FHIT: variants seen among roughly 807,000 people sequenced by gnomAD.
FHIT encodes the protein bis(5'-adenosyl)-triphosphatase.
Under a neutral mutation model 17.9 loss-of-function variants are expected in FHIT, and 19 were observed. The ratio of observed to expected loss-of-function variants is 1.06; its 90% CI spans 0.74 to 1.56. The LOEUF (loss-of-function observed/expected upper bound fraction) is 1.56, where lower values mean the gene tolerates loss of function less well. Ranked by LOEUF, FHIT falls within the 40% of genes most tolerant of loss-of-function variation. FHIT has a pLI of 0.00. For synonymous variants in FHIT, 81 were observed against 69.7 expected (o/e 1.16, Z -0.81); for missense variants, 248 against 189.2 (o/e 1.31, Z -1.82).
At chr3:60,395,290 A>T (rs1174639347) in intron 5 of FHIT, among the ~76,000 whole-genome samples, 1 of 152,126 alleles carries the variant, frequency 6.6e-6, no homozygotes, top group Non-Finnish European at 1.5e-5. Flanking sequence ...ATGTTCTAGG[A>T]GCTGTCCTGA....
intron 4 of FHIT, among the ~76,000 whole-genome samples, chr3:60,734,053 G>T (rs1476415584): frequency 1.3e-5 from 2 of 152,158 alleles, no homozygotes; most frequent in Non-Finnish European, 2.9e-5. Flanking sequence ...AAGTATCAAA[G>T]CAACTGTCCC....
intron 2 of FHIT, among the ~76,000 whole-genome samples, chr3:61,187,130 A>T (rs1413650387): frequency 6.6e-6 from 1 of 152,222 alleles, no homozygotes; most frequent in Non-Finnish European, 1.5e-5. Flanking sequence ...TCAGTCAGTC[A>T]TGTAGGTGAG....
intron 3 of FHIT, among the ~76,000 whole-genome samples, chr3:60,871,366 T>A (rs1704409448): frequency 6.6e-6 from 1 of 152,020 alleles, no homozygotes; most frequent in Non-Finnish European, 1.5e-5. Flanking sequence ...CATGATTATC[T>A]CTCCTAATCA....
At chr3:60,590,634 T>A (rs1553663874) in intron 4 of FHIT, among the ~76,000 whole-genome samples, 1 of 152,156 alleles carries the variant, frequency 6.6e-6, no homozygotes, top group Non-Finnish European at 1.5e-5. Context: ...CAAATATTTA[T>A]TTTGCAACTT....
At chr3:60,593,509 C>T (rs1370355941) in intron 4 of FHIT, among the ~76,000 whole-genome samples, 3 of 152,144 alleles carry the variant, frequency 2.0e-5, no homozygotes, top group Non-Finnish European at 4.4e-5. Context: ...CCTGGGTTCT[C>T]TATTTTAGCT....
rs144328398 is a variant in FHIT at position 60,932,831 on chromosome 3, T to C, written c.-111+109216A>G. ...AAGGAGGGTAGCCCCTAGCAGTTGG[T>C]ACCTCCTCCTCTCTAGCTTCCCTTT... On this transcript the variant is annotated intron_variant, in intron 3 of 9. Coordinates refer to ENST00000492590, the MANE Select transcript of FHIT (RefSeq NM_002012.4). 4.5e-4 allele frequency among the ~76,000 whole-genome samples: 69 copies of C among 152,262 alleles called. 1 individual carries two copies. The East Asian group carries it at 9.9e-3, about 22-fold the overall frequency.
chr3:60,381,332 G>A (rs1012178047), intron 5 of FHIT, among the ~76,000 whole-genome samples: 2 of 152,024 alleles, frequency 1.3e-5, no homozygotes, highest in Non-Finnish European at 2.9e-5. Flanking sequence ...ACAAAAGTTA[G>A]CTGGGCATGG....
chr3:60,061,827 A>G (rs1445894210), intron 5 of FHIT, among the ~76,000 whole-genome samples: 2 of 152,212 alleles, frequency 1.3e-5, no homozygotes, highest in African/African-American at 4.8e-5. Context: ...GGAATCATAC[A>G]GAAGGAAGGG....
chr3:59,910,542 T>C (rs1227108765), intron 8 of FHIT, among the ~76,000 whole-genome samples: 2 of 152,142 alleles, frequency 1.3e-5, no homozygotes, highest in African/African-American at 4.8e-5. Context: ...GGTCTCAGGT[T>C]TTGTCTCATC....
chr3:60,935,931 A>C (rs1359098766), intron 3 of FHIT, among the ~76,000 whole-genome samples: 1 of 152,190 alleles, frequency 6.6e-6, no homozygotes, highest in Non-Finnish European at 1.5e-5. Flanking sequence ...TCATCACTGA[A>C]TCATCAATGC....
At chr3:60,887,530 C>T (rs777345629) in intron 3 of FHIT, among the ~76,000 whole-genome samples, 13 of 152,004 alleles carry the variant, frequency 8.6e-5, no homozygotes, top group South Asian at 4.2e-4. Flanking sequence ...CCTGTAATCC[C>T]GGCTACTCAA....
intron 5 of FHIT, among the ~76,000 whole-genome samples, chr3:60,086,085 A>G (rs1703480765): frequency 6.6e-6 from 1 of 152,216 alleles, no homozygotes; most frequent in African/African-American, 2.4e-5. Context: ...ATCTCATGGC[A>G]GAAGGCAAAT....
intron 7 of FHIT, among the ~76,000 whole-genome samples, chr3:59,981,168 C>T (rs550836737): frequency 7.9e-5 from 12 of 152,170 alleles, no homozygotes; most frequent in African/African-American, 2.9e-4. Context: ...ATTACAAAAA[C>T]CTTCTTAGAG....
intron 5 of FHIT, among the ~76,000 whole-genome samples, chr3:60,226,047 C>A (rs1455271740): frequency 7.9e-5 from 12 of 152,106 alleles, no homozygotes. Flanking sequence ...AGCAATGGGA[C>A]AGCCCCACAG....
intron 1 of FHIT, among the ~76,000 whole-genome samples, chr3:61,207,578 T>C (rs908181602): frequency 2.6e-5 from 3 of 114,076 alleles, no homozygotes; most frequent in African/African-American, 9.7e-5. Context: ...ATTTATCAAA[T>C]TCTTCTAGAT....
intron 2 of FHIT, among the ~76,000 whole-genome samples, chr3:61,049,260 GCATT>G (rs2033935729): frequency 6.7e-6 from 1 of 150,128 alleles, no homozygotes; most frequent in African/African-American, 2.4e-5. Context: ...AAGTTATTAG[GCATT>G]CATTCATTAA....
At chr3:60,318,537 C>G (rs190849406) in intron 5 of FHIT, among the ~76,000 whole-genome samples, 1 of 152,182 alleles carries the variant, frequency 6.6e-6, no homozygotes, top group African/African-American at 2.4e-5. Flanking sequence ...ACCCAAATCC[C>G]TCTTCCTTTG....
At chr3:61,146,358 G>A (rs2037225368) in intron 2 of FHIT, among the ~76,000 whole-genome samples, 1 of 151,982 alleles carries the variant, frequency 6.6e-6, no homozygotes, top group African/African-American at 2.4e-5. Context: ...CATCTGTCAA[G>A]TGTTGGGATA....
intron 5 of FHIT, among the ~76,000 whole-genome samples, chr3:60,247,893 CTT>C (rs926442241): frequency 3.9e-5 from 6 of 152,132 alleles, no homozygotes; most frequent in African/African-American, 1.4e-4. Flanking sequence ...AATGTTAACT[CTT>C]TTTGTTATGA....
Sources: allele counts gnomAD v4.1 joint callset (sites outside exome capture counted in the v4.1 genomes callset), GRCh38; gene constraint gnomAD v4.1.1; transcripts MANE v1.5; gene names NCBI Gene and HGNC (gene_info 2026-07-23, HGNC 2026-07-21).